Variants in THBD observed in about 807,000 individuals in gnomAD.
THBD encodes CD141 antigen.
For synonymous variants in THBD, 449 were observed against 374.2 expected (o/e 1.20, Z -2.31); for missense variants, 850 against 816.9 (o/e 1.04, Z -0.49).
chr20:23,049,601 GCCT>G lies in THBD; in HGVS notation c.-100_-98del. ...GGGGCACAGGACGCCGATGGCGACA[GCCT>G]CTCCTGTCCGTCCCAGCCCAGACAC... On this transcript the variant is annotated 5_prime_UTR_variant, in exon 1 of 1. Coordinates refer to ENST00000377103, the MANE Select transcript of THBD (RefSeq NM_000361.3). 1 of 1,475,570 alleles carries G rather than the reference GCCT, an allele frequency of 6.8e-7. No individual in the cohort carries two copies. The highest frequency in any genetic ancestry group is 9.3e-7 in the Non-Finnish European group (1 of 1,080,804). 91.4% of individuals were successfully genotyped at this position (1,475,570 alleles called of 1,614,324 possible).
Position 23,047,658 on chromosome 20 carries a change from T to TG in THBD, c.*118dup, listed in dbSNP as rs936532361. ...AGCCATGGAATAGAAGAAAACAGCTTGGGGGGTGCGGGGAGGGTCTTCTCC... is the reference window on the plus strand; with the variant it reads ...AGCCATGGAATAGAAGAAAACAGCTTGGGGGGGTGCGGGGAGGGTCTTCTCC... On this transcript the variant is annotated 3_prime_UTR_variant, in exon 1 of 1. Coordinates refer to ENST00000377103, the MANE Select transcript of THBD (RefSeq NM_000361.3). 5 of 1,232,528 alleles carry TG rather than the reference T, an allele frequency of 4.1e-6. No individual in the cohort carries two copies. The highest frequency in any genetic ancestry group is 2.9e-5 in the South Asian group (2 of 68,472). 76.3% of individuals were successfully genotyped at this position (1,232,528 alleles called of 1,614,324 possible).
At position 23,049,628 on chromosome 20, in the gene THBD, ACTT is replaced by A. The variant is rs756812544; in HGVS notation, c.-127_-125del. 1.5e-6 allele frequency: 2 copies of A among 1,337,004 alleles called. No individual in the cohort carries two copies. Among genetic ancestry groups the A allele is most frequent in the Non-Finnish European group, 2.1e-6 (2 of 956,770 alleles). The allele number at this position is 1,337,004 out of a possible 1,614,324, so 82.8% of individuals were successfully genotyped here. The stretch of plus-strand genomic sequence containing the variant: ...CTCTCCTGTCCGTCCCAGCCCAGAC[ACTT>A]CTTGCCGCTGCGCGCAGCCCCTGCG... On this transcript the variant is annotated 5_prime_UTR_variant, in exon 1 of 1. Coordinates refer to ENST00000377103, the MANE Select transcript of THBD (RefSeq NM_000361.3).
rs903959463 is a variant in THBD at position 23,047,843 on chromosome 20, G to A, written c.1662C>T (p.Cys554=). Residue 554 remains cysteine, a synonymous_variant, in exon 1 of 1, where the codon TGC becomes TGT. Transcript: ENST00000377103. ...GAARAKMEYK[C]AAPSKEVVLQ... Reference sequence around the variant, plus strand: ...GCACTACCTCCTTGGAAGGGGCCGCGCACTTGTACTCCATCTTGGCCCTGG... The same window carrying A: ...GCACTACCTCCTTGGAAGGGGCCGCACACTTGTACTCCATCTTGGCCCTGG... 2.5e-6 allele frequency: 4 copies of A among 1,599,792 alleles called. No individual in the cohort carries two copies. Among genetic ancestry groups the A allele is most frequent in the Non-Finnish European group, 3.4e-6 (4 of 1,173,640 alleles).
At position 23,049,003 on chromosome 20, in the gene THBD, C is replaced by G. The variant is rs922265393; in HGVS notation, c.502G>C (p.Glu168Gln). ...CTGCAGGTGGCTGGGAAGTGGAACT[C>G]GCAGAGGAAGCCATCGGCCTTCACT... ...CEVKADGFLC[E>Q]FHFPATCRPL... The change falls in exon 1 of 1, where the codon GAG (glutamate) becomes CAG (glutamine). Residue 168 changes from glutamate to glutamine, a missense_variant. Coordinates refer to ENST00000377103, the MANE Select transcript of THBD (RefSeq NM_000361.3). 2 of 1,571,136 alleles carry G rather than the reference C, an allele frequency of 1.3e-6. No individual in the cohort carries two copies. The highest frequency in any genetic ancestry group is 1.4e-5 in the African/African-American group (1 of 73,946).
chr20:23,049,031 G>A lies in THBD; in HGVS notation c.474C>T (p.Cys158=), dbSNP rs1177500284. 1.3e-6 allele frequency: 2 copies of A among 1,574,342 alleles called. No homozygotes were observed. Among genetic ancestry groups the A allele is most frequent in the Non-Finnish European group, 1.7e-6 (2 of 1,158,604 alleles). The change falls in exon 1 of 1, where the codon TGC becomes TGT. Residue 158 remains cysteine, a synonymous_variant. Transcript: ENST00000377103. ...PSEPIWEEQQ[C]EVKADGFLCE... ...AGAGGAAGCCATCGGCCTTCACTTC[G>A]CACTGCTGCTCCTCCCAGATCGGCT... is the stretch of plus-strand genomic sequence containing the variant.
rs1414702204 is a variant in THBD, at chr20:23,048,718, G to C, written c.787C>G (p.Pro263Ala). The C allele has an allele frequency of 1.9e-6, 3 of 1,581,044 alleles. No individual in the cohort carries two copies. The highest frequency in any genetic ancestry group is 2.6e-6 in the Non-Finnish European group (3 of 1,171,502). The change falls in exon 1 of 1, where the codon CCC becomes GCC. Residue 263 changes from proline (P) to alanine (A), a missense_variant. Coordinates refer to ENST00000377103, the MANE Select transcript of THBD (RefSeq NM_000361.3). ...EHACNAIPGA[P>A]RCQCPAGAAL... ...GCGCCGGCTGGGCACTGGCAGCGGG[G>C]AGCCCCAGGGATCGCATTGCACGCG...
rs766623532 is a variant in THBD at position 23,048,345 on chromosome 20, A to AG, written c.1159dup (p.Leu387ProfsTer38). The AG allele has an allele frequency of 6.2e-7, 1 of 1,613,890 alleles. No homozygotes were observed. The highest frequency in any genetic ancestry group is 1.1e-5 in the South Asian group (1 of 91,080). ...CGCGAAGCCCTCGGCGCAGACGCAGAGGTAGCTAGTTTGGTTCAGGGGCTG... is the reference window on the plus strand; with the variant it reads ...CGCGAAGCCCTCGGCGCAGACGCAGAGGGTAGCTAGTTTGGTTCAGGGGCTG... On this transcript the variant is annotated frameshift_variant, in exon 1 of 1. Coordinates refer to ENST00000377103, the MANE Select transcript of THBD (RefSeq NM_000361.3). LOFTEE classifies it low-confidence loss of function (END_TRUNC).
chr20:23,048,661 C>A lies in THBD; in HGVS notation c.844G>T (p.Ala282Ser), dbSNP rs771123665. 2 of 1,591,554 alleles carry A rather than the reference C, an allele frequency of 1.3e-6. No individual in the cohort carries two copies. Among genetic ancestry groups the A allele is most frequent in the East Asian group, 2.2e-5 (1 of 44,466 alleles). ...TCGTTGCAGGACTGCGTCGCGGATG[C>A]GGTGCAGGAGCGCCCGTCTGCCTGC... Reference protein sequence around the residue: ...ALQADGRSCTASATQSCNDLC... With the variant: ...ALQADGRSCTSSATQSCNDLC... The change falls in exon 1 of 1, where the codon GCA (alanine) becomes TCA (serine). Residue 282 changes from alanine (A) to serine (S), a missense_variant. Coordinates refer to ENST00000377103, the MANE Select transcript of THBD (RefSeq NM_000361.3).
rs769798312 is a variant in THBD, at chr20:23,048,159, C to A, written c.1346G>T (p.Gly449Val). The A allele has an allele frequency of 1.9e-6, 3 of 1,613,978 alleles. No individual in the cohort carries two copies. The highest frequency in any genetic ancestry group is 1.1e-5 in the South Asian group (1 of 91,088). Residue 449 changes from glycine (G) to valine (V), a missense_variant, in exon 1 of 1, where the codon GGC (glycine) becomes GTC (valine). Coordinates refer to ENST00000377103, the MANE Select transcript of THBD (RefSeq NM_000361.3). ...GTTGTGGCACACCCCGGAGCAGAAG[C>A]CGCCGTTTTCGCACTCGTCGATGTC... ...CTDIDECENG[G>V]FCSGVCHNLP... is the part of the protein sequence containing the mutation.
chr20:23,048,060 G>A lies in THBD; in HGVS notation c.1445C>T (p.Ser482Phe). Residue 482 changes from serine to phenylalanine, a missense_variant, in exon 1 of 1, where the codon TCC (serine) becomes TTC (phenylalanine). Ser to Phe is a radical substitution (Grantham distance 155, BLOSUM62 -2). Transcript: ENST00000377103. ...LARHIGTDCD[S>F]GKVDGGDSGS... is the part of the protein sequence containing the mutation. ...GCTGTCGCCACCGTCCACCTTGCCGGAGTCACAGTCGGTGCCAATGTGGCG... is the reference window on the plus strand; with the variant it reads ...GCTGTCGCCACCGTCCACCTTGCCGAAGTCACAGTCGGTGCCAATGTGGCG... 6.2e-7 allele frequency: 1 copy of A among 1,612,866 alleles called. No individual in the cohort carries two copies. The highest frequency in any genetic ancestry group is 2.2e-5 in the East Asian group (1 of 44,836).
In THBD at chr20:23,047,710, G is replaced by A; in HGVS notation, c.*67C>T. 6.6e-7 allele frequency: 1 copy of A among 1,510,958 alleles called. No individual in the cohort carries two copies. Among genetic ancestry groups the A allele is most frequent in the Non-Finnish European group, 8.9e-7 (1 of 1,125,814 alleles). 93.6% of individuals were successfully genotyped at this position (1,510,958 alleles called of 1,614,324 possible). Reference sequence around the variant, plus strand: ...GCTGTAATGCCAGCTAAGGTGCTTTGGTAGCAAAGCTGGGGGTGAGGAGGC... The same window carrying A: ...GCTGTAATGCCAGCTAAGGTGCTTTAGTAGCAAAGCTGGGGGTGAGGAGGC... On this transcript the variant is annotated 3_prime_UTR_variant, in exon 1 of 1. Coordinates refer to ENST00000377103, the MANE Select transcript of THBD (RefSeq NM_000361.3).
At position 23,047,608 on chromosome 20, in the gene THBD, C is replaced by T. The variant is rs543317002; in HGVS notation, c.*169G>A. On this transcript the variant is annotated 3_prime_UTR_variant, in exon 1 of 1. Transcript: ENST00000377103. Reference sequence around the variant, plus strand: ...GGAAGAGGCCGAGGCTCATTCTCCTCCCTCTAATCACCCCCTCGCCAGTTA... The same window carrying T: ...GGAAGAGGCCGAGGCTCATTCTCCTTCCTCTAATCACCCCCTCGCCAGTTA... 5.1e-6 allele frequency: 4 copies of T among 787,764 alleles called. No homozygotes were observed. The highest frequency in any genetic ancestry group is 5.8e-5 in the Admixed American group (2 of 34,442). 48.8% of individuals were successfully genotyped at this position (787,764 alleles called of 1,614,324 possible).
chr20:23,048,582 C>A lies in THBD; in HGVS notation c.923G>T (p.Cys308Phe). 6.3e-7 allele frequency: 1 copy of A among 1,599,882 alleles called. No individual in the cohort carries two copies. The highest frequency in any genetic ancestry group is 8.5e-7 in the Non-Finnish European group (1 of 1,179,744). The change falls in exon 1 of 1, where the codon TGC becomes TTC. Residue 308 changes from cysteine to phenylalanine, a missense_variant. By Grantham distance (205) the Cys-to-Phe change is radical (BLOSUM62 -2). Coordinates refer to ENST00000377103, the MANE Select transcript of THBD (RefSeq NM_000361.3). ...PNPDQPGSYS[C>F]MCETGYRLAA... ...CAGCCGGTAGCCGGTCTCGCACATG[C>A]ACGAGTAGGAGCCCGGCTGGTCGGG...
Position 23,048,685 on chromosome 20 carries a change from G to T in THBD, c.820C>A (p.Gln274Lys), listed in dbSNP as rs1339911242. The part of the protein sequence containing the change: ...RCQCPAGAAL[Q>K]ADGRSCTASA... ...GCGGTGCAGGAGCGCCCGTCTGCCT[G>T]CAGGGCGGCGCCGGCTGGGCACTGG... Residue 274 changes from glutamine (Q) to lysine (K), a missense_variant, in exon 1 of 1, where the codon CAG (glutamine) becomes AAG (lysine). Gln to Lys is a moderately conservative substitution (Grantham distance 53). Coordinates refer to ENST00000377103, the MANE Select transcript of THBD (RefSeq NM_000361.3). The T allele has an allele frequency of 6.3e-7, 1 of 1,586,718 alleles. No homozygotes were observed.
In THBD at chr20:23,048,187, T is replaced by A; in HGVS notation, c.1318A>T (p.Thr440Ser). The change falls in exon 1 of 1, where the codon ACG becomes TCG. Residue 440 changes from threonine to serine, a missense_variant. Physicochemically the swap from Thr to Ser is moderately conservative, Grantham distance 58 (BLOSUM62 1). Coordinates refer to ENST00000377103, the MANE Select transcript of THBD (RefSeq NM_000361.3). ...GYILDDGFIC[T>S]DIDECENGGF... Reference sequence around the variant, plus strand: ...CCGTTTTCGCACTCGTCGATGTCCGTGCAGATGAAACCGTCGTCCAGGATG... The same window carrying A: ...CCGTTTTCGCACTCGTCGATGTCCGAGCAGATGAAACCGTCGTCCAGGATG... 6.2e-7 allele frequency: 1 copy of A among 1,614,018 alleles called. No individual in the cohort carries two copies. Among genetic ancestry groups the A allele is most frequent in the Non-Finnish European group, 8.5e-7 (1 of 1,180,032 alleles).
chr20:23,049,669 A>G lies in THBD; in HGVS notation c.-165T>C. Reference sequence around the variant, plus strand: ...CGCAGCCCCTGCGAGGCAGCCTCTGACATGCGGATCGGCCAGGGCTCGAGT... The same window carrying G: ...CGCAGCCCCTGCGAGGCAGCCTCTGGCATGCGGATCGGCCAGGGCTCGAGT... On this transcript the variant is annotated 5_prime_UTR_variant, in exon 1 of 1. Coordinates refer to ENST00000377103, the MANE Select transcript of THBD (RefSeq NM_000361.3). 1.1e-6 allele frequency: 1 copy of G among 938,084 alleles called. No individual in the cohort carries two copies. The highest frequency in any genetic ancestry group is 1.5e-5 in the South Asian group (1 of 67,576). 58.1% of individuals were successfully genotyped at this position (938,084 alleles called of 1,614,324 possible).
Position 23,047,974 on chromosome 20 carries a change from C to T in THBD, c.1531G>A (p.Gly511Arg). Residue 511 changes from glycine (G) to arginine (R), a missense_variant, in exon 1 of 1, where the codon GGG becomes AGG. Transcript: ENST00000377103. Reference sequence around the variant, plus strand: ...ATGAGCAAGCCCGAATGCACGAGCCCCACGGCCGGAGGAGTCAAGGTGGAG... The same window carrying T: ...ATGAGCAAGCCCGAATGCACGAGCCTCACGGCCGGAGGAGTCAAGGTGGAG... Reference protein sequence around the residue: ...PGSTLTPPAVGLVHSGLLIGI... With the variant: ...PGSTLTPPAVRLVHSGLLIGI... The T allele has an allele frequency of 6.2e-7, 1 of 1,608,876 alleles. No homozygotes were observed. The highest frequency in any genetic ancestry group is 1.1e-5 in the South Asian group (1 of 90,370).
chr20:23,047,726 G>T lies in THBD; in HGVS notation c.*51C>A, dbSNP rs77670413. On this transcript the variant is annotated 3_prime_UTR_variant, in exon 1 of 1. Coordinates refer to ENST00000377103, the MANE Select transcript of THBD (RefSeq NM_000361.3). ...AGGTGCTTTGGTAGCAAAGCTGGGG[G>T]TGAGGAGGCACAGGCTCCTGGACGG... 10 of 1,530,644 alleles carry T rather than the reference G, an allele frequency of 6.5e-6. No homozygotes were observed. Among genetic ancestry groups the T allele is most frequent in the Middle Eastern group, 2.3e-4 (1 of 4,362 alleles). 94.8% of individuals were successfully genotyped at this position (1,530,644 alleles called of 1,614,324 possible).
At position 23,046,610 on chromosome 20, in the gene THBD, T is replaced by C. The variant is rs528644986; in HGVS notation, c.*1167A>G. On this transcript the variant is annotated 3_prime_UTR_variant, in exon 1 of 1. Transcript: ENST00000377103. ...ATTAAGGCTAGGCCCTAATTGGGCA[T>C]CCTCCAGGATCCATTCCCAAGCTCC... 2 of 152,202 alleles carry C rather than the reference T, an allele frequency of 1.3e-5. No individual in the cohort carries two copies. The highest frequency in any genetic ancestry group is 2.9e-5 in the Non-Finnish European group (2 of 68,044). 9.4% of individuals were successfully genotyped at this position (152,202 alleles called of 1,614,324 possible). A position where few individuals can be genotyped will look rare whatever the true frequency, so the allele number is the denominator to read the frequency against.
Sources: allele counts gnomAD v4.1 joint callset, GRCh38; gene constraint gnomAD v4.1.1; transcripts MANE v1.5; gene names NCBI Gene and HGNC (gene_info 2026-07-23, HGNC 2026-07-21).